The following PPM1B variants were observed in gnomAD, a reference collection of about 807,000 sequenced individuals.
PPM1B encodes the protein protein phosphatase 1B.
PPM1B carries 22 observed loss-of-function variants against 43.0 expected under a neutral mutation model. The ratio of observed to expected loss-of-function variants is 0.51; its 90% confidence interval spans 0.37 to 0.73. The LOEUF is 0.73. Among genes scored for constraint, PPM1B ranks in the 30% least tolerant of loss-of-function variants. The pLI is 0.00. For synonymous variants in PPM1B, 217 were observed against 197.9 expected (o/e 1.10, Z -0.81); for missense variants, 632 against 584.2 (o/e 1.08, Z -0.84).
chr2:44,223,537 C>T (rs749954946), intron 5 of PPM1B, among the ~76,000 whole-genome samples: 58 of 152,022 alleles, frequency 3.8e-4, no homozygotes, highest in Non-Finnish European at 6.8e-4. Context: ...AGGCCGGGCG[C>T]GGTGGCTCAT....
chr2:44,218,671 G>T, intron 5 of PPM1B, 134 bp downstream of exon 5: 1 of 657,280 alleles, frequency 1.5e-6, no homozygotes, highest in Non-Finnish European at 2.5e-6. Flanking sequence ...TCATTTTAAA[G>T]TGTCAGTTAA....
intron 2 of PPM1B, among the ~76,000 whole-genome samples, chr2:44,205,351 GTGGGT>G (rs771757997): frequency 0.033 from 4,714 of 143,482 alleles, 97 homozygotes; most frequent in Non-Finnish European, 0.049. Flanking sequence ...GGGTGTGGGT[GTGGGT>G]GTGTGTGTGT....
At chr2:44,226,497 C>G (rs1398793058) in intron 5 of PPM1B, among the ~76,000 whole-genome samples, 1 of 152,160 alleles carries the variant, frequency 6.6e-6, no homozygotes, top group Non-Finnish European at 1.5e-5. Context: ...TAGTCTATAT[C>G]AGTGATTCTC....
At chr2:44,170,509 GTCTT>G (rs1413797004) in intron 1 of PPM1B, among the ~76,000 whole-genome samples, 4 of 152,232 alleles carry the variant, frequency 2.6e-5, no homozygotes, top group South Asian at 4.1e-4. Flanking sequence ...CACAGGAACT[GTCTT>G]TATTTGAGCT....
intron 1 of PPM1B, among the ~76,000 whole-genome samples, chr2:44,197,902 G>A (rs1572710040): frequency 1.3e-5 from 2 of 152,126 alleles, no homozygotes; most frequent in South Asian, 2.1e-4. Flanking sequence ...CATTGTTATC[G>A]CTATTTATGT....
chr2:44,173,214 G>A (rs1054359117), intron 1 of PPM1B, among the ~76,000 whole-genome samples: 4 of 152,142 alleles, frequency 2.6e-5, no homozygotes, highest in African/African-American at 9.7e-5. Flanking sequence ...TGGAATCAGC[G>A]TTATGGTGAA....
intron 3 of PPM1B, among the ~76,000 whole-genome samples, chr2:44,211,387 G>T (rs1282803435): frequency 1.3e-5 from 2 of 152,068 alleles, no homozygotes; most frequent in Admixed American, 6.6e-5. Flanking sequence ...GCTTGGGTTG[G>T]CTGATGTTTC....
At chr2:44,179,029 G>GGACCCC (rs1667730461) in intron 1 of PPM1B, among the ~76,000 whole-genome samples, 1 of 152,168 alleles carries the variant, frequency 6.6e-6, no homozygotes, top group Admixed American at 6.5e-5. Flanking sequence ...CAGGTGTTCT[G>GGACCCC]AGAGGGACCC....
At chr2:44,192,874 A>G (rs551845267) in intron 1 of PPM1B, among the ~76,000 whole-genome samples, 4 of 152,182 alleles carry the variant, frequency 2.6e-5, no homozygotes, top group African/African-American at 9.7e-5. Context: ...AGGTTCATCC[A>G]TGTTGTTGTA....
chr2:44,245,192 C>G (rs1272068299), downstream of PPM1B, among the ~76,000 whole-genome samples: 4 of 152,086 alleles, frequency 2.6e-5, no homozygotes, highest in Non-Finnish European at 5.9e-5. Flanking sequence ...TTTTGTGTCC[C>G]CAGAAGTTTT....
rs375462239 is a variant in PPM1B, at chr2:44,199,066, G to C, written c.-14-2120G>C. 1.1e-4 allele frequency among the ~76,000 whole-genome samples: 17 copies of C among 152,116 alleles called. 1 individual carries two copies. The highest frequency in any genetic ancestry group is 4.1e-4 in the African/African-American group (17 of 41,486). On this transcript the variant is annotated intron_variant, in intron 1 of 5. Transcript: ENST00000282412. ...AAGGTCAGGAGTTCAAGACCAATCT[G>C]GCCAACATAGTGAAACCCCATCTCT...
downstream of PPM1B, among the ~76,000 whole-genome samples, chr2:44,244,843 A>G (rs1344188333): frequency 6.8e-6 from 1 of 147,954 alleles, no homozygotes; most frequent in Admixed American, 6.7e-5. Context: ...ATATATACAC[A>G]CACACACACA....
chr2:44,242,299 G>C (rs1029292664), intron 5 of PPM1B, among the ~76,000 whole-genome samples: 1 of 152,144 alleles, frequency 6.6e-6, no homozygotes, highest in African/African-American at 2.4e-5. Context: ...ATGGATAGTA[G>C]TATGTACATA....
chr2:44,244,187 CA>C (rs1670807910), intron 5 of PPM1B: 4 of 916,592 alleles, frequency 4.4e-6, no homozygotes, highest in East Asian at 1.8e-4. Flanking sequence ...AAAAAAAAAC[CA>C]TATATATATA....
At chr2:44,173,909 C>T (rs1178842600) in intron 1 of PPM1B, among the ~76,000 whole-genome samples, 1 of 152,170 alleles carries the variant, frequency 6.6e-6, no homozygotes, top group African/African-American at 2.4e-5. Flanking sequence ...CGCCACTGCA[C>T]TCCAGATTGG....
intron 2 of PPM1B, 33 bp from the exon 3 acceptor site, chr2:44,209,176 AC>A: frequency 6.7e-7 from 1 of 1,496,620 alleles, no homozygotes; most frequent in South Asian, 1.3e-5. Context: ...TTGTAGAAAT[AC>A]AATTTTTTTT....
chr2:44,231,363 T>C lies in PPM1B; in HGVS notation c.*645T>C, dbSNP rs1442731905. 1.0e-6 allele frequency: 1 copy of C among 974,644 alleles called. No individual in the cohort carries two copies. Among genetic ancestry groups the C allele is most frequent in the African/African-American group, 1.8e-5 (1 of 56,968 alleles). The allele number at this position is 974,644 out of a possible 1,614,324, so 60.4% of individuals were successfully genotyped here. On this transcript the variant is annotated 3_prime_UTR_variant, in exon 6 of 6. Coordinates refer to ENST00000282412, the MANE Select transcript of PPM1B (RefSeq NM_002706.6). ...GTATTATTCATACAGCTTTGGTTTG[T>C]ATATTCTGTATAGCCTAACTACACA...
intron 2 of PPM1B, among the ~76,000 whole-genome samples, chr2:44,205,164 A>T (rs577039313): frequency 6.0e-4 from 91 of 152,332 alleles, no homozygotes; most frequent in South Asian, 5.2e-3. Flanking sequence ...GGTGAACAAA[A>T]TAAAAAGTTT....
intron 1 of PPM1B, among the ~76,000 whole-genome samples, chr2:44,200,179 C>G (rs1445587752): frequency 2.0e-5 from 3 of 152,154 alleles, no homozygotes; most frequent in Admixed American, 6.5e-5. Context: ...TACATTGACT[C>G]ATTCTTCACA....
Sources: allele counts gnomAD v4.1 joint callset (sites outside exome capture counted in the v4.1 genomes callset), GRCh38; gene constraint gnomAD v4.1.1; transcripts MANE v1.5; gene names NCBI Gene and HGNC (gene_info 2026-07-23, HGNC 2026-07-21).